The following WDR35 variants were observed in gnomAD, a reference collection of about 807,000 sequenced individuals.
The protein encoded by WDR35 is WD repeat-containing protein 35.
In WDR35, 118 loss-of-function variants were observed where a neutral mutation model predicts 158.3. The ratio of observed to expected loss-of-function variants is 0.75; its 90% confidence interval spans 0.64 to 0.87. The LOEUF (loss-of-function observed/expected upper bound fraction) is 0.87. Ranked by LOEUF, WDR35 falls within the 40% of genes least tolerant of loss-of-function variation. The probability of loss-of-function intolerance (pLI) is 0.00; values close to 1 mark genes in which losing one functional copy is unlikely to be tolerated. For synonymous variants in WDR35, 448 were observed against 476.1 expected (o/e 0.94, Z 0.77); for missense variants, 1,263 against 1,405.8 (o/e 0.90, Z 1.62).
In WDR35 at chr2:19,935,571, C is replaced by T. The variant is rs539243373; in HGVS notation, c.2447G>A (p.Arg816Gln). The T allele has an allele frequency of 2.7e-5, 44 of 1,612,784 alleles. No homozygotes were observed. Among genetic ancestry groups the T allele is most frequent in the Admixed American group, 1.7e-4 (10 of 59,918 alleles). ...ACATTCAGCTAAGCGTTCCTGGTTCCGTCCTTGTACATAATATTGTACAGC... is the reference window on the plus strand; with the variant it reads ...ACATTCAGCTAAGCGTTCCTGGTTCTGTCCTTGTACATAATATTGTACAGC... ...LNAVQYYVQG[R>Q]NQERLAECYY... The change falls in exon 21 of 27, where the codon CGG (arginine) becomes CAG (glutamine). Residue 816 changes from arginine to glutamine, a missense_variant. Transcript: ENST00000281405.
intron 20 of WDR35, 68 bp from the exon 21 acceptor site, chr2:19,935,671 C>T: frequency 6.5e-7 from 1 of 1,550,330 alleles, no homozygotes; most frequent in Non-Finnish European, 8.8e-7. Context: ...GCACTTTCAA[C>T]CAAAATGTTC....
rs772597000 is a variant in WDR35 at position 19,978,894 on chromosome 2, T to C, written c.308-15A>G. On this transcript the variant is annotated splice_polypyrimidine_tract_variant and intron_variant, in intron 4 of 26. Transcript: ENST00000281405. ...AATCCAAGAGCCTGTTTTCACAAATTTAAAAAATTACAAGTCAAAACTTTC... is the reference window on the plus strand; with the variant it reads ...AATCCAAGAGCCTGTTTTCACAAATCTAAAAAATTACAAGTCAAAACTTTC... 6.2e-7 allele frequency: 1 copy of C among 1,613,176 alleles called. No homozygotes were observed. Among genetic ancestry groups the C allele is most frequent in the South Asian group, 1.1e-5 (1 of 91,072 alleles).
chr2:19,977,673 A>G (rs1373219273), intron 5 of WDR35, among the ~76,000 whole-genome samples: 4 of 152,158 alleles, frequency 2.6e-5, no homozygotes, highest in African/African-American at 9.7e-5. Context: ...CATTGCTCCC[A>G]TTCTTAAAAC....
At chr2:19,932,468 T>C (rs1670556582) in intron 22 of WDR35, 21 bp from the exon 23 acceptor site, 3 of 1,612,778 alleles carry the variant, frequency 1.9e-6, no homozygotes, top group Admixed American at 1.7e-5. Context: ...AATTACACCA[T>C]TCAGTCACCC....
At position 19,945,977 on chromosome 2, in the gene WDR35, T is replaced by A; in HGVS notation, c.1654A>T (p.Ile552Phe). The A allele has an allele frequency of 1.2e-6, 2 of 1,613,834 alleles. No homozygotes were observed. Among genetic ancestry groups the A allele is most frequent in the Non-Finnish European group, 8.5e-7 (1 of 1,179,800 alleles). Residue 552 changes from isoleucine (I) to phenylalanine (F), a missense_variant, in exon 16 of 27, where the codon ATC (isoleucine) becomes TTC (phenylalanine). Coordinates refer to ENST00000281405, the MANE Select transcript of WDR35 (RefSeq NM_020779.4). Reference sequence around the variant, plus strand: ...TCAAAGAAAGTCAGAACTCCTGAGATGTCTATGATAGCAAGACGGCTAAAA... The same window carrying A: ...TCAAAGAAAGTCAGAACTCCTGAGAAGTCTATGATAGCAAGACGGCTAAAA... The part of the protein sequence containing the change: ...CNSSRLAIID[I>F]SGVLTFFDLD...
At chr2:19,917,295 G>A (rs1289287244) in intron 25 of WDR35, among the ~76,000 whole-genome samples, 1 of 152,176 alleles carries the variant, frequency 6.6e-6, no homozygotes, top group African/African-American at 2.4e-5. Context: ...AGAAACCAGA[G>A]CAAAAAGGCT....
In WDR35 at chr2:19,978,795, C is replaced by T. The variant is rs1182662543; in HGVS notation, c.392G>A (p.Cys131Tyr). Residue 131 changes from cysteine to tyrosine, a missense_variant, in exon 5 of 27, where the codon TGC becomes TAC. Physicochemically the swap from Cys to Tyr is radical, Grantham distance 194 (BLOSUM62 -2). Coordinates refer to ENST00000281405, the MANE Select transcript of WDR35 (RefSeq NM_020779.4). ...CACAGCCCCATCTTCATATACAATGCAGATCTTCTGTCCGTCAGCATTCCA... is the reference window on the plus strand; with the variant it reads ...CACAGCCCCATCTTCATATACAATGTAGATCTTCTGTCCGTCAGCATTCCA... ...MSWNADGQKI[C>Y]IVYEDGAVIV... 1 of 1,613,876 alleles carries T rather than the reference C, an allele frequency of 6.2e-7. No individual in the cohort carries two copies. Among genetic ancestry groups the T allele is most frequent in the Non-Finnish European group, 8.5e-7 (1 of 1,179,864 alleles).
Position 19,941,833 on chromosome 2 carries a change from TG to T in WDR35, c.1851del (p.Ile618PhefsTer13). ...YVFRNLDPEE[P>X]IQTSGYICNF... Reference sequence around the variant, plus strand: ...TTACAAATATATCCAGAGGTCTGAATGGGTTCCTTTAAAGACAAAAAAAAAG... The same window carrying T: ...TTACAAATATATCCAGAGGTCTGAATGGTTCCTTTAAAGACAAAAAAAAAG... On this transcript the variant is annotated frameshift_variant, in exon 17 of 27. Coordinates refer to ENST00000281405, the MANE Select transcript of WDR35 (RefSeq NM_020779.4). LOFTEE classifies it high-confidence loss of function. 6.4e-7 allele frequency: 1 copy of T among 1,570,806 alleles called. No individual in the cohort carries two copies. The highest frequency in any genetic ancestry group is 8.7e-7 in the Non-Finnish European group (1 of 1,150,530).
At position 19,975,543 on chromosome 2, in the gene WDR35, T is replaced by C; in HGVS notation, c.557A>G (p.Gln186Arg). ...ANGEIHIYDN[Q>R]GNFMIKMKLS... Reference sequence around the variant, plus strand: ...ACACTTACTTACCATAAAATTTCCTTGATTATCGTAAATGTGTATTTCCCC... The same window carrying C: ...ACACTTACTTACCATAAAATTTCCTCGATTATCGTAAATGTGTATTTCCCC... The change falls in exon 6 of 27, where the codon CAA (glutamine) becomes CGA (arginine). Residue 186 changes from glutamine (Q) to arginine (R), a missense_variant. Gln to Arg is a conservative substitution (Grantham distance 43). Coordinates refer to ENST00000281405, the MANE Select transcript of WDR35 (RefSeq NM_020779.4). 6.2e-7 allele frequency: 1 copy of C among 1,613,326 alleles called. No homozygotes were observed. Among genetic ancestry groups the C allele is most frequent in the Non-Finnish European group, 8.5e-7 (1 of 1,179,524 alleles).
chr2:19,911,217 C>A lies in WDR35; in HGVS notation c.*2341G>T, dbSNP rs886055397. ...TCAACAGGTGATTCTAGAACTAAAG[C>A]AAATGAAAGTGCAACCAACAAATCA... On this transcript the variant is annotated 3_prime_UTR_variant, in exon 27 of 27. Transcript: ENST00000281405. 6.6e-6 allele frequency: 1 copy of A among 152,082 alleles called. No homozygotes were observed. Among genetic ancestry groups the A allele is most frequent in the Admixed American group, 6.5e-5 (1 of 15,272 alleles). The allele number at this position is 152,082 out of a possible 1,614,324, so 9.4% of individuals were successfully genotyped here.
intron 19 of WDR35, 141 bp from the exon 20 acceptor site, chr2:19,936,506 G>T: frequency 1.6e-6 from 2 of 1,221,958 alleles, no homozygotes; most frequent in Non-Finnish European, 2.3e-6. Flanking sequence ...TAGGAACTTA[G>T]CCTGACTAGC....
At chr2:19,967,979 A>T (rs531935178) in intron 9 of WDR35, among the ~76,000 whole-genome samples, 1 of 152,132 alleles carries the variant, frequency 6.6e-6, no homozygotes, top group Non-Finnish European at 1.5e-5. Context: ...AGATTTAGTC[A>T]TGTCTCCTTA....
intron 10 of WDR35, among the ~76,000 whole-genome samples, chr2:19,966,387 A>G (rs970243857): frequency 1.3e-5 from 2 of 152,246 alleles, no homozygotes; most frequent in African/African-American, 2.4e-5. Flanking sequence ...TTTCTTCAGC[A>G]TTTATGCATA....
intron 11 of WDR35, among the ~76,000 whole-genome samples, chr2:19,956,883 T>G (rs995217026): frequency 6.6e-6 from 1 of 152,126 alleles, no homozygotes; most frequent in South Asian, 2.1e-4. Flanking sequence ...CCTCCCAAAG[T>G]GCTGGGATTA....
chr2:19,917,906 C>A (rs190764080), intron 25 of WDR35, among the ~76,000 whole-genome samples: 1 of 152,212 alleles, frequency 6.6e-6, no homozygotes, highest in Non-Finnish European at 1.5e-5. Flanking sequence ...CATAAAGATA[C>A]TCCTCGAGAA....
chr2:19,951,559 T>C (rs1311535962), intron 12 of WDR35, 75 bp from the exon 13 acceptor site: 39 of 1,134,230 alleles, frequency 3.4e-5, no homozygotes, highest in East Asian at 5.1e-5. Context: ...GAATAAACGA[T>C]TGGACAACAT....
chr2:19,935,656 A>T, intron 20 of WDR35, 53 bp from the exon 21 acceptor site: 6 of 1,593,648 alleles, frequency 3.8e-6, no homozygotes, highest in Non-Finnish European at 4.3e-6. Context: ...TCTCCTGATA[A>T]ATAAGCACTT....
At chr2:19,946,650 T>C (rs1317446392) in intron 14 of WDR35, 80 bp from the exon 15 acceptor site, 5 of 1,356,292 alleles carry the variant, frequency 3.7e-6, no homozygotes, top group East Asian at 2.4e-5. Context: ...TATATGTCTA[T>C]ACATTTGTCT....
In WDR35 at chr2:19,916,663, C is replaced by A. The variant is rs376630168; in HGVS notation, c.3122-2386G>T. 7.9e-4 allele frequency among the ~76,000 whole-genome samples: 120 copies of A among 152,306 alleles called. 1 individual carries two copies. The highest frequency in any genetic ancestry group is 2.7e-3 in the African/African-American group (113 of 41,574). On this transcript the variant is annotated intron_variant, in intron 25 of 26. Coordinates refer to ENST00000281405, the MANE Select transcript of WDR35 (RefSeq NM_020779.4). Reference sequence around the variant, plus strand: ...CGGAGCCCACCCCAGCTCAGCAAGGCCCCTGCAGCCAGACTACCTCCTCTC... The same window carrying A: ...CGGAGCCCACCCCAGCTCAGCAAGGACCCTGCAGCCAGACTACCTCCTCTC...
Sources: allele counts gnomAD v4.1 joint callset (sites outside exome capture counted in the v4.1 genomes callset), GRCh38; gene constraint gnomAD v4.1.1; transcripts MANE v1.5; gene names NCBI Gene and HGNC (gene_info 2026-07-23, HGNC 2026-07-21).